Variants in ST8SIA6 observed in about 807,000 individuals in gnomAD.
ST8SIA6 encodes the protein ST8 alpha-N-acetyl-neuraminide alpha-2,8-sialyltransferase 6.
Under a neutral mutation model 33.6 loss-of-function variants are expected in ST8SIA6, and 39 were observed. The observed-to-expected ratio is 1.16, with a 90% CI of 0.90 to 1.52. ST8SIA6 has a LOEUF of 1.52. ST8SIA6 is among the 40% of genes most tolerant of loss of function. ST8SIA6 has a pLI of 0.00. For synonymous variants in ST8SIA6, 172 were observed against 167.2 expected (o/e 1.03, Z -0.22); for missense variants, 441 against 443.8 (o/e 0.99, Z 0.06).
chr10:17,398,864 C>A (rs1446119843), intron 2 of ST8SIA6, among the ~76,000 whole-genome samples: 2 of 152,118 alleles, frequency 1.3e-5, no homozygotes, highest in Non-Finnish European at 2.9e-5. Context: ...GGGACAGAGG[C>A]CACAGTAATT....
At chr10:17,359,178 A>G (rs1849300826) in intron 4 of ST8SIA6, among the ~76,000 whole-genome samples, 2 of 152,236 alleles carry the variant, frequency 1.3e-5, no homozygotes, top group Non-Finnish European at 1.5e-5. Flanking sequence ...ACATACTTTA[A>G]TACGATGACA....
At chr10:17,365,612 G>A (rs1450047650) in intron 3 of ST8SIA6, among the ~76,000 whole-genome samples, 1 of 152,176 alleles carries the variant, frequency 6.6e-6, no homozygotes, top group East Asian at 1.9e-4. Context: ...TGCTGACTTA[G>A]TTACTTAGTA....
At chr10:17,423,264 T>C (rs1297822148) in intron 2 of ST8SIA6, among the ~76,000 whole-genome samples, 1 of 152,226 alleles carries the variant, frequency 6.6e-6, no homozygotes, top group Non-Finnish European at 1.5e-5. Context: ...AATTGCGCAC[T>C]TCTGTTCTCG....
chr10:17,341,346 C>A (rs577871557), intron 4 of ST8SIA6, among the ~76,000 whole-genome samples: 1 of 152,120 alleles, frequency 6.6e-6, no homozygotes, highest in Non-Finnish European at 1.5e-5. Flanking sequence ...GAACTAATAA[C>A]GTCCCGGCTG....
At chr10:17,388,283 C>CA (rs377090846) in intron 3 of ST8SIA6, among the ~76,000 whole-genome samples, 6 of 152,322 alleles carry the variant, frequency 3.9e-5, no homozygotes, top group Middle Eastern at 3.4e-3. Context: ...AGCAGGACCT[C>CA]AGCCAGAGAT....
At chr10:17,393,730 A>C (rs921902285) in intron 2 of ST8SIA6, among the ~76,000 whole-genome samples, 5 of 152,298 alleles carry the variant, frequency 3.3e-5, no homozygotes, top group Middle Eastern at 3.4e-3. Flanking sequence ...GGATGTGGGA[A>C]GTGAGGGATA....
chr10:17,362,861 G>A (rs553111531), intron 3 of ST8SIA6, among the ~76,000 whole-genome samples: 46 of 152,036 alleles, frequency 3.0e-4, no homozygotes, highest in African/African-American at 4.1e-4. Flanking sequence ...ACAGGCGCGC[G>A]TCCCCATGTC....
chr10:17,364,869 C>T (rs1319660290), intron 3 of ST8SIA6, among the ~76,000 whole-genome samples: 3 of 152,216 alleles, frequency 2.0e-5, no homozygotes, highest in Admixed American at 6.5e-5. Flanking sequence ...ACCCCAAAAT[C>T]TTGGGAGGTA....
At chr10:17,325,045 G>T (rs1302574786) in intron 6 of ST8SIA6, among the ~76,000 whole-genome samples, 1 of 140,204 alleles carries the variant, frequency 7.1e-6, no homozygotes, top group African/African-American at 2.6e-5. Flanking sequence ...TTTATTATAT[G>T]TATATATGTA....
intron 2 of ST8SIA6, among the ~76,000 whole-genome samples, chr10:17,391,664 G>C (rs1446142246): frequency 1.3e-5 from 2 of 152,134 alleles, no homozygotes; most frequent in Non-Finnish European, 2.9e-5. Flanking sequence ...TGATTATTCT[G>C]ATAGCTGCAA....
At chr10:17,422,898 A>T (rs1181716474) in intron 2 of ST8SIA6, among the ~76,000 whole-genome samples, 1 of 152,246 alleles carries the variant, frequency 6.6e-6, no homozygotes, top group Non-Finnish European at 1.5e-5. Flanking sequence ...GAATGATAGA[A>T]AGGATAGAAA....
chr10:17,407,795 G>A (rs910770126), intron 2 of ST8SIA6, among the ~76,000 whole-genome samples: 2 of 152,094 alleles, frequency 1.3e-5, no homozygotes, highest in African/African-American at 2.4e-5. Context: ...AAGTTCTTCT[G>A]CCCTGACCGT....
chr10:17,422,636 C>A lies in ST8SIA6; in HGVS notation c.200+30923G>T, dbSNP rs566670308. 2.0e-5 allele frequency among the ~76,000 whole-genome samples: 3 copies of A among 152,302 alleles called. No homozygotes were observed. The South Asian group carries it at 6.2e-4, about 32-fold the overall frequency. Reference sequence around the variant, plus strand: ...ACACATTGATTAATCAGGTAATACACATTCTAAACACTTAGTGAAACGGAC... The same window carrying A: ...ACACATTGATTAATCAGGTAATACAAATTCTAAACACTTAGTGAAACGGAC... On this transcript the variant is annotated intron_variant, in intron 2 of 7. Coordinates refer to ENST00000377602, the MANE Select transcript of ST8SIA6 (RefSeq NM_001004470.3).
At position 17,453,529 on chromosome 10, in the gene ST8SIA6, C is replaced by T. The variant is rs528171950; in HGVS notation, c.200+30G>A. On this transcript the variant is annotated intron_variant, in intron 2 of 7. Transcript: ENST00000377602. ...ATGCCCGGCTCGCAGCTCCCGAGCCCCAGTCCGCCCGCGCTGGGCGCCGCT... is the reference window on the plus strand; with the variant it reads ...ATGCCCGGCTCGCAGCTCCCGAGCCTCAGTCCGCCCGCGCTGGGCGCCGCT... 93 of 1,279,246 alleles carry T rather than the reference C, an allele frequency of 7.3e-5. 1 individual carries two copies. The South Asian group carries it at 2.4e-3, about 33-fold the overall frequency. The allele number at this position is 1,279,246 out of a possible 1,614,324, so 79.2% of individuals were successfully genotyped here.
intron 5 of ST8SIA6, among the ~76,000 whole-genome samples, chr10:17,328,306 C>G (rs757913577): frequency 9.2e-5 from 14 of 152,168 alleles, no homozygotes; most frequent in Non-Finnish European, 1.6e-4. Context: ...TTCAGGGAGG[C>G]CTACCAACTG....
chr10:17,366,713 G>A (rs1176036985), intron 3 of ST8SIA6, among the ~76,000 whole-genome samples: 1 of 152,156 alleles, frequency 6.6e-6, no homozygotes, highest in East Asian at 1.9e-4. Flanking sequence ...AAAGAGCTGT[G>A]ATTGTAGGTG....
At chr10:17,397,201 C>T (rs902656220) in intron 2 of ST8SIA6, among the ~76,000 whole-genome samples, 4 of 148,000 alleles carry the variant, frequency 2.7e-5, no homozygotes, top group African/African-American at 9.9e-5. Flanking sequence ...ATTTTCTCCG[C>T]GAGGGGTTGT....
intron 2 of ST8SIA6, among the ~76,000 whole-genome samples, chr10:17,395,520 C>G (rs1178313295): frequency 2.0e-5 from 3 of 152,078 alleles, no homozygotes; most frequent in Non-Finnish European, 4.4e-5. Flanking sequence ...AGTATGAATT[C>G]TGTTTCTGTG....
intron 2 of ST8SIA6, among the ~76,000 whole-genome samples, chr10:17,400,356 A>C (rs1299692236): frequency 6.6e-6 from 1 of 152,026 alleles, no homozygotes; most frequent in Non-Finnish European, 1.5e-5. Flanking sequence ...ACATGGTGAA[A>C]CCCCATGTCT....
Sources: allele counts gnomAD v4.1 joint callset (sites outside exome capture counted in the v4.1 genomes callset), GRCh38; gene constraint gnomAD v4.1.1; transcripts MANE v1.5; gene names NCBI Gene and HGNC (gene_info 2026-07-23, HGNC 2026-07-21).